Variants in MOXD1 observed in about 807,000 individuals in gnomAD.
MOXD1 encodes monooxygenase DBH like 1, also known as DBH-like monooxygenase protein 1.
In MOXD1, 62 loss-of-function variants were observed where a neutral mutation model predicts 66.6. The observed-to-expected ratio is 0.93, with a 90% CI of 0.76 to 1.15. The LOEUF is 1.15. Among genes scored for constraint, MOXD1 ranks in the 50% most tolerant of loss-of-function variants. MOXD1 has a pLI of 0.00. For synonymous variants in MOXD1, 303 were observed against 281.9 expected, an observed-to-expected ratio of 1.07 and a Z score of -0.75; for missense variants, 847 against 754.6, an observed-to-expected ratio of 1.12 and a Z score of -1.44.
chr6:132,320,067 T>C (rs1032106923), intron 9 of MOXD1, among the ~76,000 whole-genome samples: 3 of 152,210 alleles, frequency 2.0e-5, no homozygotes, highest in Non-Finnish European at 4.4e-5. Context: ...TGGCCCCTTT[T>C]ATACTATCCT....
rs373107732 is a variant in MOXD1 at position 132,367,630 on chromosome 6, C to T, written c.663+4978G>A. 5.2e-4 allele frequency among the ~76,000 whole-genome samples: 79 copies of T among 152,110 alleles called. 4 individuals carry two copies. The South Asian group carries it at 0.016, about 30-fold the overall frequency. On this transcript the variant is annotated intron_variant, in intron 4 of 11. Transcript: ENST00000367963. ...CAATGAAAAGTCATTCAGGGAGCAA[C>T]ATTGAAAATAAATAGTTGCCTGATC...
chr6:132,385,461 A>AATTATTATTATTATT (rs71030795), intron 1 of MOXD1, among the ~76,000 whole-genome samples: 12 of 133,598 alleles, frequency 9.0e-5, no homozygotes, highest in East Asian at 7.7e-4. Context: ...AATATACTGA[A>AATTATTATTATTATT]ATTATTATTA....
chr6:132,338,958 A>G (rs951688763), intron 4 of MOXD1, among the ~76,000 whole-genome samples: 13 of 152,202 alleles, frequency 8.5e-5, no homozygotes, highest in African/African-American at 2.9e-4. Context: ...AACATTTTAC[A>G]CTCACAGACA....
chr6:132,349,440 T>C lies in MOXD1; in HGVS notation c.664-20846A>G, dbSNP rs1208187696. Reference sequence around the variant, plus strand: ...ATATATACATATATATATATACATATATATATATATACATATATATATATA... The same window carrying C: ...ATATATACATATATATATATACATACATATATATATACATATATATATATA... On this transcript the variant is annotated intron_variant, in intron 4 of 11. Coordinates refer to ENST00000367963, the MANE Select transcript of MOXD1 (RefSeq NM_015529.4). 2.0e-4 allele frequency among the ~76,000 whole-genome samples: 13 copies of C among 66,096 alleles called. 2 individuals are homozygous for C. In the South Asian group the frequency reaches 3.1e-3, roughly 16 times the overall value. 43.4% of individuals were successfully genotyped at this position (66,096 alleles called of 152,430 possible).
Position 132,349,440 on chromosome 6 carries a change from T to TATAC in MOXD1, c.664-20847_664-20846insGTAT, listed in dbSNP as rs1775750069. On this transcript the variant is annotated intron_variant, in intron 4 of 11. Coordinates refer to ENST00000367963, the MANE Select transcript of MOXD1 (RefSeq NM_015529.4). ...ATATATACATATATATATATACATA[T>TATAC]ATATATATATACATATATATATATA... Among the ~76,000 whole-genome samples, 23 of 66,096 alleles carry TATAC rather than the reference T, an allele frequency of 3.5e-4. 2 individuals carry two copies. Among genetic ancestry groups the TATAC allele is most frequent in the African/African-American group, 2.7e-3 (23 of 8,602 alleles). The allele number at this position is 66,096 out of a possible 152,430, so 43.4% of individuals were successfully genotyped here.
intron 4 of MOXD1, among the ~76,000 whole-genome samples, chr6:132,339,008 A>G (rs1171336676): frequency 1.3e-5 from 2 of 152,210 alleles, no homozygotes; most frequent in South Asian, 2.1e-4. Flanking sequence ...ACAAGTTCCA[A>G]TATTTCAAAA....
intron 9 of MOXD1, among the ~76,000 whole-genome samples, chr6:132,316,579 A>G (rs933010426): frequency 5.3e-5 from 8 of 152,164 alleles, no homozygotes; most frequent in African/African-American, 1.7e-4. Flanking sequence ...TAGAAATTCT[A>G]GAGCTGAGAG....
At chr6:132,328,204 T>G in intron 5 of MOXD1, 89 bp from the exon 6 acceptor site, 1 of 1,291,458 alleles carries the variant, frequency 7.7e-7, no homozygotes, top group Non-Finnish European at 1.1e-6. Context: ...TCAAGGATAT[T>G]TCAACCCTCT....
At chr6:132,303,846 T>C (rs1399471432) in intron 10 of MOXD1, among the ~76,000 whole-genome samples, 1 of 53,176 alleles carries the variant, frequency 1.9e-5, no homozygotes. Context: ...TATATATATA[T>C]ATATATATAT....
chr6:132,340,116 C>T lies in MOXD1; in HGVS notation c.664-11522G>A, dbSNP rs544017139. 3.1e-3 allele frequency among the ~76,000 whole-genome samples: 474 copies of T among 152,218 alleles called. 4 individuals carry two copies. Among genetic ancestry groups the T allele is most frequent in the African/African-American group, 8.8e-3 (365 of 41,532 alleles). ...AACTGGCTGGTCTCAAACTCCTGAC[C>T]TTGTGATCCGCCTGCCTCAGCCTCT... On this transcript the variant is annotated intron_variant, in intron 4 of 11. Coordinates refer to ENST00000367963, the MANE Select transcript of MOXD1 (RefSeq NM_015529.4).
chr6:132,401,047 G>A, intron 1 of MOXD1, 116 bp downstream of exon 1: 1 of 1,267,380 alleles, frequency 7.9e-7, no homozygotes, highest in Non-Finnish European at 1.0e-6. Context: ...GGGGCGCGGG[G>A]CTGCGCCAGG....
At position 132,385,725 on chromosome 6, in the gene MOXD1, C is replaced by A. The variant is rs530703921; in HGVS notation, c.265-10948G>T. On this transcript the variant is annotated intron_variant, in intron 1 of 11. Coordinates refer to ENST00000367963, the MANE Select transcript of MOXD1 (RefSeq NM_015529.4). ...TCTCGAACTCTGGAACTCCTGACCT[C>A]AAGCGATCTGCCTGCCTTGGCCTCC... 1.1e-4 allele frequency among the ~76,000 whole-genome samples: 16 copies of A among 152,076 alleles called. 1 individual carries two copies. The South Asian group carries it at 2.9e-3, about 28-fold the overall frequency.
intron 4 of MOXD1, among the ~76,000 whole-genome samples, chr6:132,363,253 A>T (rs1776051501): frequency 6.6e-6 from 1 of 151,990 alleles, no homozygotes; most frequent in South Asian, 2.1e-4. Context: ...ACTCAAGGAA[A>T]CAAGGGAGGT....
At chr6:132,320,797 G>C (rs1265664849) in intron 8 of MOXD1, 109 bp from the exon 9 acceptor site, 2 of 876,702 alleles carry the variant, frequency 2.3e-6, no homozygotes, top group Non-Finnish European at 3.6e-6. Context: ...GATGCGCCAA[G>C]TAATTTCATT....
At chr6:132,391,170 G>A (rs938630449) in intron 1 of MOXD1, 3 of 151,238 alleles carry the variant, frequency 2.0e-5, no homozygotes, top group African/African-American at 4.8e-5. Flanking sequence ...GGAATCAACC[G>A]AAATATGAGC....
intron 11 of MOXD1, 128 bp from the exon 12 acceptor site, chr6:132,297,445 C>T (rs1262964821): frequency 7.4e-6 from 7 of 949,902 alleles, no homozygotes; most frequent in South Asian, 3.4e-5. Flanking sequence ...AGGAGTCACA[C>T]ACTGGGGGAG....
intron 4 of MOXD1, among the ~76,000 whole-genome samples, chr6:132,331,722 G>A (rs1775322921): frequency 1.3e-5 from 2 of 152,124 alleles, no homozygotes; most frequent in Non-Finnish European, 2.9e-5. Context: ...TAGACAACAA[G>A]CCCAAAGTAC....
At chr6:132,396,813 A>C (rs1221310969) in intron 1 of MOXD1, among the ~76,000 whole-genome samples, 1 of 152,250 alleles carries the variant, frequency 6.6e-6, no homozygotes, top group East Asian at 1.9e-4. Flanking sequence ...ACCTACCAAG[A>C]CTGAATCAAG....
At chr6:132,347,826 C>A (rs1450599440) in intron 4 of MOXD1, among the ~76,000 whole-genome samples, 1 of 152,060 alleles carries the variant, frequency 6.6e-6, no homozygotes, top group African/African-American at 2.4e-5. Context: ...TTTTATAAGT[C>A]ATGAAAGTTA....
Sources: gnomAD v4.1 joint callset for allele counts (sites outside exome capture counted in the v4.1 genomes callset) on GRCh38, gnomAD v4.1.1 for gene constraint, MANE v1.5 for transcripts, NCBI Gene and HGNC (gene_info 2026-07-23, HGNC 2026-07-21) for gene names.